Variants in RSPO1 observed in about 807,000 individuals in gnomAD.
RSPO1 encodes the protein R-spondin 1, also known as R-spondin-1.
In RSPO1, 18 loss-of-function variants were observed where a neutral mutation model predicts 26.0. The observed-to-expected ratio is 0.69, with a 90% CI of 0.48 to 1.03. The LOEUF (loss-of-function observed/expected upper bound fraction) is 1.03. Ranked by LOEUF, RSPO1 falls within the 50% of genes least tolerant of loss-of-function variation. The pLI is 0.00. For missense variants in RSPO1, 309 were observed against 352.3 expected, an observed-to-expected ratio of 0.88 and a Z score of 0.98; for synonymous variants, 133 against 137.4, an observed-to-expected ratio of 0.97 and a Z score of 0.22.
At chr1:37,617,702 T>C (rs546258655) in intron 3 of RSPO1, among the ~76,000 whole-genome samples, 6 of 146,136 alleles carry the variant, frequency 4.1e-5, no homozygotes, top group Admixed American at 2.7e-4. Flanking sequence ...GAGAACCATC[T>C]TTTGAGGCTT....
rs1429646258 is a variant in RSPO1 at position 37,615,469 on chromosome 1, A to G, written c.286+1015T>C. Among the ~76,000 whole-genome samples the G allele has an allele frequency of 2.6e-5, 4 of 152,138 alleles. No homozygotes were observed. In the East Asian group the frequency reaches 7.7e-4, roughly 29 times the overall value. On this transcript the variant is annotated intron_variant, in intron 4 of 6. Transcript: ENST00000356545. ...ACACAATGAAGAAGTAGCAGAGTTG[A>G]GCTCAGAACCAACTCTGAGCTGGAC...
intron 3 of RSPO1, among the ~76,000 whole-genome samples, chr1:37,625,269 G>T (rs909817651): frequency 1.3e-5 from 2 of 152,232 alleles, no homozygotes; most frequent in Non-Finnish European, 2.9e-5. Flanking sequence ...TAAGGTTGAG[G>T]ATATGGTGAA....
rs201963347 is a variant in RSPO1 at position 37,612,843 on chromosome 1, G to A, written c.704C>T (p.Ala235Val). The change falls in exon 7 of 7, where the codon GCG becomes GTG. Residue 235 changes from alanine (A) to valine (V), a missense_variant. Ala to Val is a moderately conservative substitution (Grantham distance 64, BLOSUM62 0). Transcript: ENST00000356545. Reference protein sequence around the residue: ...RNLARKESKEAGAGSRRRKGQ... With the variant: ...RNLARKESKEVGAGSRRRKGQ... ...CTTGCGTCTTCGAGAGCCAGCACCCGCCTCCTTGCTCTCCTTCCTGGCCAG... is the reference window on the plus strand; with the variant it reads ...CTTGCGTCTTCGAGAGCCAGCACCCACCTCCTTGCTCTCCTTCCTGGCCAG... 2.2e-5 allele frequency: 36 copies of A among 1,613,888 alleles called. No homozygotes were observed. Among genetic ancestry groups the A allele is most frequent in the Middle Eastern group, 1.6e-4 (1 of 6,062 alleles).
Position 37,614,636 on chromosome 1 carries a change from G to A in RSPO1, c.287-303C>T, listed in dbSNP as rs527730068. 4.5e-3 allele frequency among the ~76,000 whole-genome samples: 689 copies of A among 152,350 alleles called. 7 individuals are homozygous for A. Among genetic ancestry groups the A allele is most frequent in the African/African-American group, 0.016 (665 of 41,568 alleles). On this transcript the variant is annotated intron_variant, in intron 4 of 6. Transcript: ENST00000356545. ...GCAGCCCAAGGTGAGGCTCAAGAGA[G>A]CAGTTTCAGAGGCGGAGGGTGGGGC...
At chr1:37,616,812 G>C in intron 3 of RSPO1, 137 bp from the exon 4 acceptor site, 2 of 840,542 alleles carry the variant, frequency 2.4e-6, no homozygotes, top group Non-Finnish European at 4.0e-6. Context: ...CACCGGCCAG[G>C]CTGGCAGCTC....
Position 37,616,763 on chromosome 1 carries a change from G to T in RSPO1, c.95-88C>A, listed in dbSNP as rs768288462. ...GACAAGGATGGGAAGTGAATAGATC[G>T]ATGTTTCCTTCCACAGAAGGAATAT... On this transcript the variant is annotated intron_variant, in intron 3 of 6. Transcript: ENST00000356545. The T allele has an allele frequency of 6.6e-6, 8 of 1,217,964 alleles. No homozygotes were observed. The East Asian group carries it at 1.6e-4, about 25-fold the overall frequency. 75.4% of individuals were successfully genotyped at this position (1,217,964 alleles called of 1,614,324 possible). A position where few individuals can be genotyped will look rare whatever the true frequency, so the allele number is the denominator to read the frequency against.
chr1:37,624,649 AC>A (rs530571319), intron 3 of RSPO1, among the ~76,000 whole-genome samples: 121 of 151,910 alleles, frequency 8.0e-4, no homozygotes, highest in Non-Finnish European at 1.5e-3. Context: ...TCAGCCCCAC[AC>A]CCCTTGAAGA....
intron 3 of RSPO1, among the ~76,000 whole-genome samples, chr1:37,625,711 C>T (rs1294199033): frequency 1.3e-5 from 2 of 149,970 alleles, no homozygotes; most frequent in Admixed American, 6.6e-5. Context: ...CAAAGTCTTG[C>T]TCTGTCACCC....
At chr1:37,623,810 A>C (rs1037159832) in intron 3 of RSPO1, among the ~76,000 whole-genome samples, 10 of 139,484 alleles carry the variant, frequency 7.2e-5, no homozygotes, top group Non-Finnish European at 1.2e-4. Context: ...GCCAGGCTGG[A>C]GTGCAATGGC....
chr1:37,614,370 C>G (rs1644078777), intron 4 of RSPO1, 37 bp from the exon 5 acceptor site: 1 of 1,612,458 alleles, frequency 6.2e-7, no homozygotes, highest in Non-Finnish European at 8.5e-7. Flanking sequence ...CTGGCCCAGC[C>G]TGGTGAGAAT....
At chr1:37,620,344 C>G (rs914430032) in intron 3 of RSPO1, among the ~76,000 whole-genome samples, 3 of 152,104 alleles carry the variant, frequency 2.0e-5, no homozygotes, top group African/African-American at 7.2e-5. Flanking sequence ...GAGACCCTGT[C>G]TCTATTACAA....
At chr1:37,627,837 G>A (rs1190677860) in intron 3 of RSPO1, among the ~76,000 whole-genome samples, 1 of 152,132 alleles carries the variant, frequency 6.6e-6, no homozygotes, top group Non-Finnish European at 1.5e-5. Context: ...GCACCCCTGA[G>A]CCTGTCTCCA....
chr1:37,618,432 G>A (rs1035826652), intron 3 of RSPO1, among the ~76,000 whole-genome samples: 1 of 152,188 alleles, frequency 6.6e-6, no homozygotes, highest in Non-Finnish European at 1.5e-5. Context: ...AGACTGTTTA[G>A]ACATCAGGGA....
chr1:37,612,524 G>GTGTA lies in RSPO1; in HGVS notation c.*230_*231insTACA, dbSNP rs1553119820. ...GGTGTGTGTGTGTGTGTGTGTGTAT[G>GTGTA]TGTGTGTGTGGTGTCTGTGTCTGCG... On this transcript the variant is annotated 3_prime_UTR_variant, in exon 7 of 7. Coordinates refer to ENST00000356545, the MANE Select transcript of RSPO1 (RefSeq NM_001242908.2). 5.8e-6 allele frequency: 3 copies of GTGTA among 518,898 alleles called. No homozygotes were observed. The highest frequency in any genetic ancestry group is 1.0e-5 in the Non-Finnish European group (3 of 285,728). The allele number at this position is 518,898 out of a possible 1,614,324, so 32.1% of individuals were successfully genotyped here.
In RSPO1 at chr1:37,612,765, C is replaced by T. The variant is rs746232403; in HGVS notation, c.782G>A (p.Gly261Glu). The T allele has an allele frequency of 6.2e-7, 1 of 1,611,056 alleles. No individual in the cohort carries two copies. The highest frequency in any genetic ancestry group is 8.5e-7 in the Non-Finnish European group (1 of 1,179,992). ...QGTVGPLTSA[G>E]PA is the part of the protein sequence containing the mutation. Reference sequence around the variant, plus strand: ...GGCTGGACAGTGTCCCTAGGCAGGCCCTGCAGATGTGAGTGGCCCCACTGT... The same window carrying T: ...GGCTGGACAGTGTCCCTAGGCAGGCTCTGCAGATGTGAGTGGCCCCACTGT... Residue 261 changes from glycine (G) to glutamate (E), a missense_variant, in exon 7 of 7, where the codon GGG (glycine) becomes GAG (glutamate). Physicochemically the swap from Gly to Glu is moderately conservative, Grantham distance 98. Coordinates refer to ENST00000356545, the MANE Select transcript of RSPO1 (RefSeq NM_001242908.2).
In RSPO1 at chr1:37,634,865, T is replaced by TCGGC. The variant is rs891776015; in HGVS notation, c.-659_-656dup. The TCGGC allele has an allele frequency of 3.3e-5, 5 of 152,146 alleles. No individual in the cohort carries two copies. Among genetic ancestry groups the TCGGC allele is most frequent in the African/African-American group, 1.2e-4 (5 of 41,420 alleles). 9.4% of individuals were successfully genotyped at this position (152,146 alleles called of 1,614,324 possible). A position where few individuals can be genotyped will look rare whatever the true frequency, so the allele number is the denominator to read the frequency against. On this transcript the variant is annotated 5_prime_UTR_variant, in exon 1 of 7. Transcript: ENST00000356545. The surrounding 1 kb of genome is among the most constrained non-coding windows in gnomAD (Gnocchi z 4.7). Reference sequence around the variant, plus strand: ...CTGGTGCTCTCCGTCGCGCCTCCGCTCGGCCGGAGCTCCCAGCCCGGAGAG... The same window carrying TCGGC: ...CTGGTGCTCTCCGTCGCGCCTCCGCTCGGCCGGCCGGAGCTCCCAGCCCGGAGAG...
intron 3 of RSPO1, among the ~76,000 whole-genome samples, chr1:37,626,696 A>G (rs572157629): frequency 6.6e-6 from 1 of 152,200 alleles, no homozygotes; most frequent in East Asian, 1.9e-4. Context: ...GGGCAGTGAG[A>G]AGAGGCACAA....
intron 3 of RSPO1, among the ~76,000 whole-genome samples, chr1:37,622,997 C>T (rs1644225271): frequency 1.3e-5 from 2 of 151,772 alleles, no homozygotes; most frequent in Admixed American, 6.6e-5. Flanking sequence ...GGAGTAGAGA[C>T]CCGAGGACAC....
chr1:37,623,734 T>C (rs1644236666), intron 3 of RSPO1, among the ~76,000 whole-genome samples: 1 of 150,216 alleles, frequency 6.7e-6, no homozygotes, highest in Non-Finnish European at 1.5e-5. Flanking sequence ...AAAAAGAACA[T>C]AGAGCTTTAT....
Sources: gnomAD v4.1 joint callset for allele counts (sites outside exome capture counted in the v4.1 genomes callset) on GRCh38, gnomAD v4.1.1 for gene constraint, Gnocchi (gnomAD v3.1) non-coding constraint, MANE v1.5 for transcripts, NCBI Gene and HGNC (gene_info 2026-07-23, HGNC 2026-07-21) for gene names.